Variants in OR2T33 observed in about 807,000 individuals in gnomAD.
OR2T33 encodes the protein olfactory receptor 2T33.
In OR2T33, 10 loss-of-function variants were observed where a neutral mutation model predicts 14.0. That is an observed-to-expected ratio of 0.72 (90% CI 0.44 to 1.22). The LOEUF is 1.22. OR2T33 is among the 50% of genes most tolerant of loss of function. The pLI is 0.00. For missense variants in OR2T33, 276 were observed against 405.9 expected (o/e 0.68, Z 2.75); for synonymous variants, 103 against 159.4 (o/e 0.65, Z 2.66).
intron 1 of OR2T33, among the ~76,000 whole-genome samples, chr1:248,275,525 A>G (rs995311802): frequency 2.0e-5 from 3 of 152,258 alleles, no homozygotes; most frequent in Non-Finnish European, 4.4e-5. Flanking sequence ...ATAACTTTAA[A>G]CCACCATCAG....
chr1:248,275,228 A>G (rs1353441750), intron 1 of OR2T33, among the ~76,000 whole-genome samples: 1 of 152,222 alleles, frequency 6.6e-6, no homozygotes, highest in East Asian at 1.9e-4. Flanking sequence ...CTATATGAGC[A>G]TTCAGATGTG....
chr1:248,272,549 C>A lies in OR2T33; in HGVS notation c.*303G>T. 3 of 283,156 alleles carry A rather than the reference C, an allele frequency of 1.1e-5. No homozygotes were observed. The highest frequency in any genetic ancestry group is 2.2e-5 in the African/African-American group (1 of 45,442). 17.5% of individuals were successfully genotyped at this position (283,156 alleles called of 1,614,324 possible). A position where few individuals can be genotyped will look rare whatever the true frequency, so the allele number is the denominator to read the frequency against. On this transcript the variant is annotated 3_prime_UTR_variant, in exon 2 of 2. Coordinates refer to ENST00000641220, the MANE Select transcript of OR2T33 (RefSeq NM_001004695.2). ...TTTCCGTGCTGTGTGAAATTGGGAA[C>A]AATATTTACCTTTCCATGCATTAAT... is the stretch of plus-strand genomic sequence containing the variant.
chr1:248,272,917 T>C lies in OR2T33; in HGVS notation c.898A>G (p.Lys300Glu). Reference protein sequence around the residue: ...VKNSEVKGALKRWLGTCVNIK... With the variant: ...VKNSEVKGALERWLGTCVNIK... ...TTTACACACGTCCCCAGCCACCGTTTCAGGGCTCCCTTCACCTCACTGTTC... is the reference window on the plus strand; with the variant it reads ...TTTACACACGTCCCCAGCCACCGTTCCAGGGCTCCCTTCACCTCACTGTTC... The change falls in exon 2 of 2, where the codon AAA becomes GAA. Residue 300 changes from lysine to glutamate, a missense_variant. By Grantham distance (56) the Lys-to-Glu change is moderately conservative. Transcript: ENST00000641220. 1 of 1,614,190 alleles carries C rather than the reference T, an allele frequency of 6.2e-7. No individual in the cohort carries two copies. The highest frequency in any genetic ancestry group is 8.5e-7 in the Non-Finnish European group (1 of 1,180,024).
At chr1:248,275,233 G>A (rs1015594140) in intron 1 of OR2T33, among the ~76,000 whole-genome samples, 3 of 152,160 alleles carry the variant, frequency 2.0e-5, no homozygotes, top group Non-Finnish European at 2.9e-5. Context: ...TGAGCATTCA[G>A]ATGTGAGCAG....
In OR2T33 at chr1:248,272,843, G is replaced by A. The variant is rs749106209; in HGVS notation, c.*9C>T. On this transcript the variant is annotated 3_prime_UTR_variant, in exon 2 of 2. Coordinates refer to ENST00000641220, the MANE Select transcript of OR2T33 (RefSeq NM_001004695.2). ...TAAATTCAGGAACTTAGACTCATTT[G>A]ACATTAGATCATCTTGACCTGTGGG... The A allele has an allele frequency of 3.1e-6, 5 of 1,600,608 alleles. No individual in the cohort carries two copies. Among genetic ancestry groups the A allele is most frequent in the Middle Eastern group, 1.7e-4 (1 of 5,956 alleles).
In OR2T33 at chr1:248,273,326, G is replaced by T; in HGVS notation, c.489C>A (p.Ser163Arg). Residue 163 changes from serine to arginine, a missense_variant, in exon 2 of 2, where the codon AGC becomes AGA. By Grantham distance (110) the Ser-to-Arg change is moderately radical (BLOSUM62 -1). Transcript: ENST00000641220. ...TCTCGTGTGCACCACAATATGGGAA[G>T]CTCAGGGTAACAACAGCCTGCAGGA... ...DGLLQAVVTLSFPYCGAHEID... is the reference protein window; with the variant it reads ...DGLLQAVVTLRFPYCGAHEID... 6.2e-7 allele frequency: 1 copy of T among 1,611,734 alleles called. No homozygotes were observed. The highest frequency in any genetic ancestry group is 8.5e-7 in the Non-Finnish European group (1 of 1,179,828).
intron 1 of OR2T33, among the ~76,000 whole-genome samples, chr1:248,275,459 C>A (rs894301805): frequency 1.3e-5 from 2 of 152,172 alleles, no homozygotes; most frequent in African/African-American, 4.8e-5. Context: ...GTATCTTTCT[C>A]ATGTGATTGC....
Position 248,275,268 on chromosome 1 carries a change from G to A in OR2T33, c.-8-1446C>T, listed in dbSNP as rs115499259. On this transcript the variant is annotated intron_variant, in intron 1 of 1. Coordinates refer to ENST00000641220, the MANE Select transcript of OR2T33 (RefSeq NM_001004695.2). ...GACACAAACACACAGTAACACCAGC[G>A]TCTTTGAGATGGCTTATTTAAGCAT... Among the ~76,000 whole-genome samples the A allele has an allele frequency of 9.3e-4, 141 of 152,258 alleles. 1 individual carries two copies. The highest frequency in any genetic ancestry group is 3.3e-3 in the African/African-American group (136 of 41,546).
chr1:248,273,304 CGTGTGCACCACAATATGGGAAGCTCAG>C lies in OR2T33; in HGVS notation c.484_510del (p.Leu162_His170del). The C allele has an allele frequency of 6.2e-7, 1 of 1,610,276 alleles. No homozygotes were observed. Among genetic ancestry groups the C allele is most frequent in the Admixed American group, 1.7e-5 (1 of 59,924 alleles). On this transcript the variant is annotated inframe_deletion, in exon 2 of 2. Coordinates refer to ENST00000641220, the MANE Select transcript of OR2T33 (RefSeq NM_001004695.2). ...GTCTCGCAGAAGAAGTGATCGATCT[CGTGTGCACCACAATATGGGAAGCTCAG>C]GGTAACAACAGCCTGCAGGAGCCCG...
rs1442067432 is a variant in OR2T33, at chr1:248,273,086, C to A, written c.729G>T (p.Val243=). 1 of 1,612,702 alleles carries A rather than the reference C, an allele frequency of 6.2e-7. No individual in the cohort carries two copies. Among genetic ancestry groups the A allele is most frequent in the East Asian group, 2.2e-5 (1 of 44,870 alleles). The stretch of plus-strand genomic sequence containing the variant: ...CTCCATAAAAGAGTCCCACCACAGC[C>A]ACATGTGAAGAGCAGGTGGCAAAGG... The part of the protein sequence containing the change: ...KKAFATCSSH[V]AVVGLFYGAA... The change falls in exon 2 of 2, where the codon GTG becomes GTT. Residue 243 remains valine, a synonymous_variant. Transcript: ENST00000641220.
At position 248,273,052 on chromosome 1, in the gene OR2T33, A is replaced by T; in HGVS notation, c.763T>A (p.Phe255Ile). Residue 255 changes from phenylalanine to isoleucine, a missense_variant, in exon 2 of 2, where the codon TTT becomes ATT. Coordinates refer to ENST00000641220, the MANE Select transcript of OR2T33 (RefSeq NM_001004695.2). The stretch of plus-strand genomic sequence containing the variant: ...TGGGATTTGGGTCTCATATAGGTAA[A>T]AATGGCAGCTCCATAAAAGAGTCCC... ...VVGLFYGAAI[F>I]TYMRPKSHRS... 1 of 1,613,716 alleles carries T rather than the reference A, an allele frequency of 6.2e-7. No individual in the cohort carries two copies. Among genetic ancestry groups the T allele is most frequent in the Non-Finnish European group, 8.5e-7 (1 of 1,179,894 alleles).
At position 248,270,140 on chromosome 1, in the gene OR2T33, A is replaced by G. The variant is rs1029430661; in HGVS notation, c.*2712T>C. On this transcript the variant is annotated 3_prime_UTR_variant, in exon 2 of 2. Coordinates refer to ENST00000641220, the MANE Select transcript of OR2T33 (RefSeq NM_001004695.2). ...TGTAGGGACACGGATGAAGCTGGAA[A>G]CCATCATTCTCAGCAAACTATCGCA... The G allele has an allele frequency of 2.6e-5, 4 of 152,142 alleles. No homozygotes were observed. Among genetic ancestry groups the G allele is most frequent in the Non-Finnish European group, 5.9e-5 (4 of 68,040 alleles). The allele number at this position is 152,142 out of a possible 1,614,324, so 9.4% of individuals were successfully genotyped here.
rs1292919988 is a variant in OR2T33 at position 248,272,743 on chromosome 1, T to C, written c.*109A>G. The C allele has an allele frequency of 7.3e-7, 1 of 1,364,082 alleles. No individual in the cohort carries two copies. The highest frequency in any genetic ancestry group is 1.5e-5 in the African/African-American group (1 of 68,536). The allele number at this position is 1,364,082 out of a possible 1,614,324, so 84.5% of individuals were successfully genotyped here. A position where few individuals can be genotyped will look rare whatever the true frequency, so the allele number is the denominator to read the frequency against. ...CACTTAATTCTTAAAAATATCCTAT[T>C]ATATCAATGCAAAAACTTAATTTTC... is the stretch of plus-strand genomic sequence containing the variant. On this transcript the variant is annotated 3_prime_UTR_variant, in exon 2 of 2. Transcript: ENST00000641220.
chr1:248,277,441 A>G (rs1420184457), intron 1 of OR2T33, among the ~76,000 whole-genome samples: 4 of 152,096 alleles, frequency 2.6e-5, no homozygotes, highest in Non-Finnish European at 5.9e-5. Flanking sequence ...TTGATATAAC[A>G]TGGGGAAAAT....
intron 1 of OR2T33, among the ~76,000 whole-genome samples, chr1:248,275,231 C>G (rs1659434907): frequency 6.6e-6 from 1 of 152,190 alleles, no homozygotes; most frequent in African/African-American, 2.4e-5. Context: ...TATGAGCATT[C>G]AGATGTGAGC....
Position 248,272,388 on chromosome 1 carries a change from T to A in OR2T33, c.*464A>T, listed in dbSNP as rs1007647295. ...TTTAAAATATAACATAAAAATAATA[T>A]TTTTCTTTGGTGGAGTCCTCATATT... is the stretch of plus-strand genomic sequence containing the variant. On this transcript the variant is annotated 3_prime_UTR_variant, in exon 2 of 2. Coordinates refer to ENST00000641220, the MANE Select transcript of OR2T33 (RefSeq NM_001004695.2). The A allele has an allele frequency of 6.5e-6, 1 of 153,336 alleles. No homozygotes were observed. Among genetic ancestry groups the A allele is most frequent in the Non-Finnish European group, 1.5e-5 (1 of 68,858 alleles). 9.5% of individuals were successfully genotyped at this position (153,336 alleles called of 1,614,324 possible).
chr1:248,270,188 A>G lies in OR2T33; in HGVS notation c.*2664T>C, dbSNP rs1196736806. 1.3e-5 allele frequency: 2 copies of G among 152,114 alleles called. No individual in the cohort carries two copies. The highest frequency in any genetic ancestry group is 1.3e-4 in the Admixed American group (2 of 15,252). The allele number at this position is 152,114 out of a possible 1,614,324, so 9.4% of individuals were successfully genotyped here. A position where few individuals can be genotyped will look rare whatever the true frequency, so the allele number is the denominator to read the frequency against. Reference sequence around the variant, plus strand: ...GCAAGGACAAAAAACCAAACACAGCATGTTCTCACTCATAGGTGGGAATTG... The same window carrying G: ...GCAAGGACAAAAAACCAAACACAGCGTGTTCTCACTCATAGGTGGGAATTG... On this transcript the variant is annotated 3_prime_UTR_variant, in exon 2 of 2. Coordinates refer to ENST00000641220, the MANE Select transcript of OR2T33 (RefSeq NM_001004695.2).
rs777287203 is a variant in OR2T33, at chr1:248,273,576, G to A, written c.239C>T (p.Ala80Val). ...MLVSTTVPKM[A>V]ADYLTGSKAI... ...CTTACTTCCGGTCAAGTAGTCAGCC[G>A]CCATTTTGGGCACAGTGGTGGAAAC... The change falls in exon 2 of 2, where the codon GCG (alanine) becomes GTG (valine). Residue 80 changes from alanine (A) to valine (V), a missense_variant. Transcript: ENST00000641220. The A allele has an allele frequency of 7.4e-6, 12 of 1,613,356 alleles. No individual in the cohort carries two copies. In the South Asian group the frequency reaches 7.7e-5, roughly 10 times the overall value.
chr1:248,273,930 A>G, intron 1 of OR2T33, 108 bp from the exon 2 acceptor site: 2 of 1,399,450 alleles, frequency 1.4e-6, no homozygotes, highest in Non-Finnish European at 1.9e-6. Context: ...ATGTTATCCC[A>G]GGTAGTGATT....
Sources: allele counts gnomAD v4.1 joint callset (sites outside exome capture counted in the v4.1 genomes callset), GRCh38; gene constraint gnomAD v4.1.1; transcripts MANE v1.5; gene names NCBI Gene and HGNC (gene_info 2026-07-23, HGNC 2026-07-21).